Variants in PCDHA5 observed in about 807,000 individuals in gnomAD.
PCDHA5 encodes protocadherin alpha-5.
A neutral mutation model predicts 61.6 loss-of-function variants in PCDHA5; 43 were observed. That is an observed-to-expected ratio of 0.70 (90% CI 0.55 to 0.90). The LOEUF (loss-of-function observed/expected upper bound fraction) is 0.90. PCDHA5 is among the 40% of genes least tolerant of loss of function. The probability of loss-of-function intolerance (pLI) is 0.00; values close to 1 mark genes in which losing one functional copy is unlikely to be tolerated. For missense variants in PCDHA5, 1,298 were observed against 1,222.7 expected (o/e 1.06, Z -0.92); for synonymous variants, 627 against 543.9 (o/e 1.15, Z -2.13).
At chr5:140,898,054 A>G (rs1401215235) in intron 1 of PCDHA5, among the ~76,000 whole-genome samples, 2 of 151,638 alleles carry the variant, frequency 1.3e-5, no homozygotes, top group African/African-American at 4.8e-5. Flanking sequence ...TTTTCTTGTA[A>G]ATTTGTTTGA....
rs199976895 is a variant in PCDHA5 at position 140,968,276 on chromosome 5, G to T, written c.2353-10673G>T. The T allele has an allele frequency of 9.2e-5, 148 of 1,613,952 alleles. No homozygotes were observed. Among genetic ancestry groups the T allele is most frequent in the Admixed American group, 5.5e-4 (33 of 60,008 alleles). On this transcript the variant is annotated intron_variant, in intron 1 of 3. Transcript: ENST00000529859. ...CCCAGATGAAAAGGAGAATGCAGAGGTGACCTACTCCCTTCTGGAGAGGGA... is the reference window on the plus strand; with the variant it reads ...CCCAGATGAAAAGGAGAATGCAGAGTTGACCTACTCCCTTCTGGAGAGGGA...
intron 1 of PCDHA5, chr5:140,852,574 G>T (rs1056497020): frequency 3.8e-6 from 3 of 793,008 alleles, no homozygotes; most frequent in Non-Finnish European, 4.7e-6. Context: ...CTGTGCCAAG[G>T]CTTTTTTATT....
chr5:140,856,901 C>A, intron 1 of PCDHA5: 1 of 1,595,974 alleles, frequency 6.3e-7, no homozygotes, highest in Non-Finnish European at 8.6e-7. Flanking sequence ...CTCTTTGGTC[C>A]CACCCACGAT....
chr5:140,983,629 T>C (rs2097059537), intron 3 of PCDHA5, among the ~76,000 whole-genome samples: 1 of 152,228 alleles, frequency 6.6e-6, no homozygotes, highest in African/African-American at 2.4e-5. Flanking sequence ...TTAAGAAATG[T>C]ACCCAAGTTC....
intron 1 of PCDHA5, chr5:140,842,982 T>C (rs2150349122): frequency 6.3e-7 from 1 of 1,594,948 alleles, no homozygotes; most frequent in Non-Finnish European, 8.6e-7. Context: ...CTGCAGGTGT[T>C]CGTGCTGGAC....
intron 1 of PCDHA5, chr5:140,824,610 G>GTTGTTTT (rs1768193318): frequency 1.1e-5 from 1 of 95,104 alleles, no homozygotes; most frequent in African/African-American, 4.9e-5. Flanking sequence ...GCTAATTAAA[G>GTTGTTTT]TTTTTTTTTT....
intron 1 of PCDHA5, among the ~76,000 whole-genome samples, chr5:140,946,113 G>T (rs1241993026): frequency 6.6e-6 from 1 of 151,816 alleles, no homozygotes; most frequent in Non-Finnish European, 1.5e-5. Context: ...AAATATATAA[G>T]GAACTCAAAC....
At chr5:140,941,651 T>C (rs2093139674) in intron 1 of PCDHA5, among the ~76,000 whole-genome samples, 3 of 152,120 alleles carry the variant, frequency 2.0e-5, no homozygotes, top group Admixed American at 6.6e-5. Context: ...CTACAACTTA[T>C]GTCCAATTTT....
rs1167461963 is a variant in PCDHA5 at position 140,968,386 on chromosome 5, G to A, written c.2353-10563G>A. 2.5e-6 allele frequency: 4 copies of A among 1,613,910 alleles called. No homozygotes were observed. The African/African-American group carries it at 4.0e-5, about 16-fold the overall frequency. On this transcript the variant is annotated intron_variant, in intron 1 of 3. Transcript: ENST00000529859. ...ATGCTGTCAACTCCTTTGACTATGA[G>A]AAGTTTCGGGAGTTCTTTGTGACTG...
Position 140,850,172 on chromosome 5 carries a change from C to T in PCDHA5, c.2352+26045C>T, listed in dbSNP as rs2150470572. The T allele has an allele frequency of 5.0e-6, 8 of 1,594,262 alleles. 1 individual carries two copies. In the Admixed American group the frequency reaches 6.7e-5, roughly 13 times the overall value. On this transcript the variant is annotated intron_variant, in intron 1 of 3. Coordinates refer to ENST00000529859, the MANE Select transcript of PCDHA5 (RefSeq NM_018908.3). The stretch of plus-strand genomic sequence containing the variant: ...TGCAGGTGTTCGTGCTGGACGAGAA[C>T]GACAATGCGCCGGCGCTGCTGACAC...
At chr5:140,848,948 G>A (rs782183548) in intron 1 of PCDHA5, 1 of 1,607,010 alleles carries the variant, frequency 6.2e-7, no homozygotes, top group African/African-American at 1.4e-5. Flanking sequence ...TTGACTCTCG[G>A]TTTCCACTAG....
At chr5:140,897,340 C>G (rs1326802877) in intron 1 of PCDHA5, among the ~76,000 whole-genome samples, 1 of 122,842 alleles carries the variant, frequency 8.1e-6, no homozygotes, top group African/African-American at 3.1e-5. Flanking sequence ...CCCCTCCCCC[C>G]ACCCCACAAC....
In PCDHA5 at chr5:140,823,702, C is replaced by G. The variant is rs1554129555; in HGVS notation, c.1927C>G (p.Arg643Gly). ...TRSLDETEAP[R>G]HRLLVLVKDH... ...CTCTCTGGATGAGACCGAAGCACCG[C>G]GCCACCGCCTTCTGGTGCTGGTGAA... The change falls in exon 1 of 4, where the codon CGC (arginine) becomes GGC (glycine). Residue 643 changes from arginine to glycine, a missense_variant. Transcript: ENST00000529859. 6.2e-7 allele frequency: 1 copy of G among 1,613,834 alleles called. No individual in the cohort carries two copies. Among genetic ancestry groups the G allele is most frequent in the Non-Finnish European group, 8.5e-7 (1 of 1,179,942 alleles).
chr5:140,876,165 C>A, intron 1 of PCDHA5: 3 of 1,613,944 alleles, frequency 1.9e-6, no homozygotes, highest in Non-Finnish European at 2.5e-6. Flanking sequence ...TTCAAATAAC[C>A]GTCCTGGATG....
chr5:141,006,979 G>T (rs1236461454), intron 3 of PCDHA5, among the ~76,000 whole-genome samples: 1 of 152,156 alleles, frequency 6.6e-6, no homozygotes, highest in Non-Finnish European at 1.5e-5. Context: ...ACAGAGAGAT[G>T]TGGGCTTAAA....
intron 1 of PCDHA5, chr5:140,884,300 G>C (rs2060088357): frequency 6.2e-7 from 1 of 1,613,712 alleles, no homozygotes; most frequent in Non-Finnish European, 8.5e-7. Context: ...AGCGCCACAG[G>C]CTTCGTCGAG....
chr5:140,982,330 A>G (rs1164990385), intron 2 of PCDHA5, 145 bp from the exon 3 acceptor site: 3 of 1,429,408 alleles, frequency 2.1e-6, no homozygotes, highest in Non-Finnish European at 2.8e-6. Flanking sequence ...GTGACTGCTC[A>G]GCAGTAATTG....
rs2150130404 is a variant in PCDHA5, at chr5:140,823,926, C to T, written c.2151C>T (p.Tyr717=). 5.2e-5 allele frequency: 84 copies of T among 1,613,920 alleles called. No individual in the cohort carries two copies. The highest frequency in any genetic ancestry group is 6.2e-5 in the Non-Finnish European group (73 of 1,179,948). ...TGCTGGTGCTCACGCTGCTGCTGTA[C>T]ACCGCGCTGCGGTGCTCGGCGCAGC... is the stretch of plus-strand genomic sequence containing the variant. The part of the protein sequence containing the change: ...SSLLVLTLLL[Y]TALRCSAQPT... Residue 717 remains tyrosine, a synonymous_variant, in exon 1 of 4, where the codon TAC becomes TAT. Transcript: ENST00000529859.
At chr5:140,967,915 T>C in intron 1 of PCDHA5, 1 of 1,614,148 alleles carries the variant, frequency 6.2e-7, no homozygotes, top group Non-Finnish European at 8.5e-7. Context: ...CCAACACCAT[T>C]GTGGCCGTTC....
Sources: allele counts gnomAD v4.1 joint callset (sites outside exome capture counted in the v4.1 genomes callset), GRCh38; gene constraint gnomAD v4.1.1; transcripts MANE v1.5; gene names NCBI Gene and HGNC (gene_info 2026-07-23, HGNC 2026-07-21).